DCAF6: variants seen among roughly 807,000 people sequenced by gnomAD.
DCAF6 encodes the protein DDB1 and CUL4 associated factor 6.
A neutral mutation model predicts 125.1 loss-of-function variants in DCAF6; 54 were observed. That is an observed-to-expected ratio of 0.43 (90% CI 0.35 to 0.54). The LOEUF (loss-of-function observed/expected upper bound fraction) is 0.54. Among genes scored for constraint, DCAF6 ranks in the 20% least tolerant of loss-of-function variants. DCAF6 has a pLI of 0.01. For missense variants in DCAF6, 934 were observed against 1,161.7 expected (o/e 0.80, Z 2.85); for synonymous variants, 371 against 390.4 (o/e 0.95, Z 0.58).
At chr1:167,940,611 G>A (rs534475069) in intron 1 of DCAF6, among the ~76,000 whole-genome samples, 21 of 152,024 alleles carry the variant, frequency 1.4e-4, no homozygotes, top group African/African-American at 5.1e-4. Flanking sequence ...GTGTAGAGTA[G>A]TGCTTTTGGA....
chr1:168,037,047 A>C (rs1687906309), intron 12 of DCAF6, among the ~76,000 whole-genome samples: 1 of 151,426 alleles, frequency 6.6e-6, no homozygotes, highest in African/African-American at 2.4e-5. Flanking sequence ...AAGTCTTGTT[A>C]ATTGTCCTCT....
intron 21 of DCAF6, among the ~76,000 whole-genome samples, chr1:168,072,294 TAAAAAAAAAAAAAAAAAAAAAAA>T (rs59674650): frequency 9.8e-5 from 4 of 41,016 alleles, no homozygotes; most frequent in Non-Finnish European, 1.3e-4. Flanking sequence ...AGAATCAGTC[TAAAAAAAAAAAAAAAAAAAAAAA>T]AAAAAAAAGA....
At chr1:167,904,081 G>GA in the DCAF6 span, 1 of 501,782 alleles carries the variant, frequency 2.0e-6, no homozygotes. Context: ...GCGGGCCTCA[G>GA]CTTTTTTTTT....
chr1:167,939,993 G>T (rs1671985892), intron 1 of DCAF6, among the ~76,000 whole-genome samples: 1 of 152,058 alleles, frequency 6.6e-6, no homozygotes, highest in Admixed American at 6.5e-5. Flanking sequence ...CTGCTAAATA[G>T]TAAAATTGGG....
intron 20 of DCAF6, among the ~76,000 whole-genome samples, chr1:168,067,010 T>G (rs1572171843): frequency 1.3e-5 from 2 of 152,304 alleles, no homozygotes; most frequent in Non-Finnish European, 2.9e-5. Flanking sequence ...TCTTTGGAGC[T>G]CTGGATTTCT....
chr1:167,962,368 T>C (rs187873019), intron 2 of DCAF6, among the ~76,000 whole-genome samples: 2 of 152,226 alleles, frequency 1.3e-5, no homozygotes, highest in East Asian at 3.9e-4. Flanking sequence ...ATTTCGATGC[T>C]CTGTTGTTAA....
chr1:167,924,542 A>AG, the DCAF6 span: 1 of 1,507,578 alleles, frequency 6.6e-7, no homozygotes. Context: ...TGGGACCTGA[A>AG]AAAAAAAAGA....
At chr1:167,904,357 A>T in the DCAF6 span, among the ~76,000 whole-genome samples, 1 of 152,002 alleles carries the variant, frequency 6.6e-6, no homozygotes, top group South Asian at 2.1e-4. Flanking sequence ...AAGTGTTGGG[A>T]TTGCAGGCGT....
intron 12 of DCAF6, among the ~76,000 whole-genome samples, chr1:168,029,454 G>A (rs974401779): frequency 6.6e-6 from 1 of 152,132 alleles, no homozygotes; most frequent in Non-Finnish European, 1.5e-5. Context: ...AGGTACTAGG[G>A]TGCATGAATA....
At chr1:167,975,095 T>C in intron 4 of DCAF6, 80 bp downstream of exon 4, 1 of 859,644 alleles carries the variant, frequency 1.2e-6, no homozygotes, top group Non-Finnish European at 1.7e-6. Flanking sequence ...TAGATGCATG[T>C]GTGTACATGT....
At chr1:167,878,401 G>A in the DCAF6 span, 35 of 1,590,186 alleles carry the variant, frequency 2.2e-5, no homozygotes, top group Middle Eastern at 2.2e-4. Flanking sequence ...TAATTCTCCC[G>A]CTTCTTTACT....
rs1291361516 is a variant in DCAF6, at chr1:167,974,834, T to C, written c.257T>C (p.Leu86Ser). The C allele has an allele frequency of 7.9e-6, 12 of 1,527,058 alleles. No individual in the cohort carries two copies. Among genetic ancestry groups the C allele is most frequent in the Non-Finnish European group, 1.1e-5 (12 of 1,138,212 alleles). The allele number at this position is 1,527,058 out of a possible 1,614,324, so 94.6% of individuals were successfully genotyped here. A position where few individuals can be genotyped will look rare whatever the true frequency, so the allele number is the denominator to read the frequency against. The part of the protein sequence containing the change: ...VISNPYSRKV[L>S]TTIRSGHRAN... ...TGCTTTCTTTGTGTGTTTTAGGTTT[T>C]GACAACAATTCGTTCAGGGCACCGA... The change falls in exon 4 of 22, where the codon TTG becomes TCG. Residue 86 changes from leucine (L) to serine (S), a missense_variant. Coordinates refer to ENST00000367840, the MANE Select transcript of DCAF6 (RefSeq NM_001198956.2).
intron 10 of DCAF6, among the ~76,000 whole-genome samples, chr1:168,013,703 C>T (rs753047468): frequency 5.9e-5 from 9 of 152,074 alleles, no homozygotes; most frequent in East Asian, 1.9e-4. Context: ...AGAATACAGA[C>T]GTGTGTATTA....
At chr1:167,986,098 C>T (rs1302413859) in intron 4 of DCAF6, among the ~76,000 whole-genome samples, 1 of 152,110 alleles carries the variant, frequency 6.6e-6, no homozygotes, top group African/African-American at 2.4e-5. Context: ...GAATAGATAA[C>T]AATTTAATCC....
At chr1:168,059,649 T>G (rs1691337892) in intron 17 of DCAF6, among the ~76,000 whole-genome samples, 1 of 152,182 alleles carries the variant, frequency 6.6e-6, no homozygotes, top group East Asian at 1.9e-4. Flanking sequence ...TTAGGCCTTT[T>G]TTTCTTTTTT....
At chr1:168,063,961 TA>T (rs66923770) in intron 18 of DCAF6, 6,729 of 408,236 alleles carry the variant, frequency 0.016, 230 homozygotes, top group African/African-American at 0.092. Context: ...AAAACTCTAC[TA>T]AAAAAATGCA....
upstream of DCAF6, chr1:167,935,920 T>A: frequency 9.0e-7 from 1 of 1,117,078 alleles, no homozygotes; most frequent in Non-Finnish European, 1.3e-6. Flanking sequence ...GGGGAGCTAG[T>A]CACTTTTCCT....
At chr1:168,038,303 A>G in intron 12 of DCAF6, 68 bp from the exon 13 acceptor site, 1 of 1,175,386 alleles carries the variant, frequency 8.5e-7, no homozygotes, top group Non-Finnish European at 1.2e-6. Context: ...AGTTTTATAA[A>G]TTTTAGGAAA....
At position 167,975,101 on chromosome 1, in the gene DCAF6, C is replaced by T. The variant is rs1677943587; in HGVS notation, c.438+86C>T. 4 of 799,072 alleles carry T rather than the reference C, an allele frequency of 5.0e-6. No individual in the cohort carries two copies. In the East Asian group the frequency reaches 1.2e-4, roughly 25 times the overall value. The allele number at this position is 799,072 out of a possible 1,614,324, so 49.5% of individuals were successfully genotyped here. A position where few individuals can be genotyped will look rare whatever the true frequency, so the allele number is the denominator to read the frequency against. The stretch of plus-strand genomic sequence containing the variant: ...ATACATGTGTAGATGCATGTGTGTA[C>T]ATGTACAGATGTGTGTGTATGCACA... On this transcript the variant is annotated intron_variant, in intron 4 of 21. Coordinates refer to ENST00000367840, the MANE Select transcript of DCAF6 (RefSeq NM_001198956.2).
Sources: gnomAD v4.1 joint callset for allele counts (sites outside exome capture counted in the v4.1 genomes callset) on GRCh38, gnomAD v4.1.1 for gene constraint, MANE v1.5 for transcripts, NCBI Gene and HGNC (gene_info 2026-07-23, HGNC 2026-07-21) for gene names.